Variants in CADPS2 observed in about 807,000 individuals in gnomAD.
CADPS2 encodes the protein calcium dependent secretion activator 2, also known as calcium-dependent secretion activator 2.
CADPS2 carries 93 observed loss-of-function variants against 172.5 expected under a neutral mutation model. The observed-to-expected ratio is 0.54, with a 90% confidence interval of 0.46 to 0.64. The LOEUF is 0.64. Among genes scored for constraint, CADPS2 ranks in the 30% least tolerant of loss-of-function variants. The probability of loss-of-function intolerance (pLI) is 0.00; values close to 1 mark genes in which losing one functional copy is unlikely to be tolerated. For synonymous variants in CADPS2, 546 were observed against 555.2 expected (o/e 0.98, Z 0.23); for missense variants, 1,420 against 1,565.9 (o/e 0.91, Z 1.57).
At chr7:122,761,672 T>C (rs1366293929) in intron 1 of CADPS2, among the ~76,000 whole-genome samples, 2 of 151,480 alleles carry the variant, frequency 1.3e-5, no homozygotes. Context: ...TAAAAACGTA[T>C]TAAGCAAACA....
intron 1 of CADPS2, among the ~76,000 whole-genome samples, chr7:122,865,211 C>T (rs1179591252): frequency 2.6e-5 from 4 of 152,190 alleles, no homozygotes; most frequent in African/African-American, 9.7e-5. Context: ...AACACTTTGC[C>T]TTCCACATAC....
At chr7:122,794,403 C>T (rs1233476991) in intron 1 of CADPS2, among the ~76,000 whole-genome samples, 3 of 151,926 alleles carry the variant, frequency 2.0e-5, no homozygotes, top group Admixed American at 2.0e-4. Flanking sequence ...GATATTAATG[C>T]TTGTAATTGC....
At chr7:122,403,739 T>C (rs1182375847) in intron 20 of CADPS2, among the ~76,000 whole-genome samples, 1 of 152,180 alleles carries the variant, frequency 6.6e-6, no homozygotes, top group African/African-American at 2.4e-5. Context: ...GAATTAATGA[T>C]ATTCCATTCA....
At chr7:122,404,737 T>C (rs1585686763) in intron 20 of CADPS2, among the ~76,000 whole-genome samples, 1 of 152,236 alleles carries the variant, frequency 6.6e-6, no homozygotes, top group South Asian at 2.1e-4. Context: ...ATTTCTCTGA[T>C]GAATAATGCC....
chr7:122,523,494 T>C (rs2060971748), intron 8 of CADPS2, among the ~76,000 whole-genome samples: 1 of 152,126 alleles, frequency 6.6e-6, no homozygotes, highest in Admixed American at 6.6e-5. Context: ...TAAATATTTT[T>C]AAGTGGTTCA....
At chr7:122,575,191 T>C (rs78649203) in intron 7 of CADPS2, among the ~76,000 whole-genome samples, 1 of 143,476 alleles carries the variant, frequency 7.0e-6, no homozygotes, top group African/African-American at 2.6e-5. Context: ...AAAAAAAAGG[T>C]GGTGGGAGCA....
chr7:122,865,836 T>C (rs1818171573), intron 1 of CADPS2, among the ~76,000 whole-genome samples: 1 of 152,202 alleles, frequency 6.6e-6, no homozygotes, highest in South Asian at 2.1e-4. Flanking sequence ...CCACTAGCAG[T>C]AGATAACCAT....
intron 22 of CADPS2, among the ~76,000 whole-genome samples, chr7:122,392,220 C>T (rs2044458426): frequency 6.6e-6 from 1 of 151,980 alleles, no homozygotes; most frequent in Non-Finnish European, 1.5e-5. Flanking sequence ...TGCTGTGAGG[C>T]TCATAGTTTT....
chr7:122,438,489 T>C (rs1586039926), intron 16 of CADPS2, 25 bp from the exon 17 acceptor site: 1 of 1,610,778 alleles, frequency 6.2e-7, no homozygotes, highest in Non-Finnish European at 8.5e-7. Context: ...AGTGGAAGGG[T>C]GAGGGGCAGG....
intron 9 of CADPS2, among the ~76,000 whole-genome samples, chr7:122,505,236 C>T (rs2059524777): frequency 6.6e-6 from 1 of 152,094 alleles, no homozygotes; most frequent in African/African-American, 2.4e-5. Flanking sequence ...TGTCAAAAGA[C>T]ATGTGAGGTG....
intron 3 of CADPS2, among the ~76,000 whole-genome samples, chr7:122,635,270 A>AT (rs765559750): frequency 3.6e-5 from 5 of 140,264 alleles, no homozygotes; most frequent in Admixed American, 7.0e-5. Context: ...ATGTGTGGCT[A>AT]ATTTTTTTTT....
chr7:122,353,998 CT>C (rs910896362), intron 27 of CADPS2, among the ~76,000 whole-genome samples: 2 of 150,954 alleles, frequency 1.3e-5, no homozygotes, highest in Middle Eastern at 3.4e-3. Flanking sequence ...AGTCAGATTT[CT>C]TTTTTTTTCC....
intron 7 of CADPS2, among the ~76,000 whole-genome samples, chr7:122,557,554 G>A (rs73433759): frequency 0.028 from 4,296 of 152,224 alleles, 77 homozygotes; most frequent in South Asian, 0.055. Context: ...GGAAGATGTC[G>A]TAGGCAGTTA....
intron 2 of CADPS2, among the ~76,000 whole-genome samples, chr7:122,673,874 G>A (rs1273619022): frequency 2.1e-5 from 3 of 144,434 alleles, no homozygotes; most frequent in African/African-American, 7.6e-5. Flanking sequence ...GGTGGTGCCT[G>A]TTGGGGAGGC....
At chr7:122,506,369 T>C (rs1246668730) in intron 9 of CADPS2, among the ~76,000 whole-genome samples, 3 of 152,188 alleles carry the variant, frequency 2.0e-5, no homozygotes, top group Non-Finnish European at 2.9e-5. Flanking sequence ...AATTGGGAGA[T>C]ATGAACAGAC....
At chr7:122,767,620 G>A (rs891093545) in intron 1 of CADPS2, among the ~76,000 whole-genome samples, 4 of 152,052 alleles carry the variant, frequency 2.6e-5, no homozygotes, top group African/African-American at 9.7e-5. Flanking sequence ...CACACCCTTT[G>A]TGCCTTTCTC....
At chr7:122,356,356 T>C (rs79659934) in intron 27 of CADPS2, among the ~76,000 whole-genome samples, 3 of 152,206 alleles carry the variant, frequency 2.0e-5, no homozygotes, top group Non-Finnish European at 4.4e-5. Flanking sequence ...AGGAAGACCA[T>C]AGAGGTAAAG....
chr7:122,629,556 C>T (rs575594658), intron 3 of CADPS2, among the ~76,000 whole-genome samples: 1 of 152,068 alleles, frequency 6.6e-6, no homozygotes, highest in South Asian at 2.1e-4. Context: ...CTCACAAAAC[C>T]ACCAAATCAA....
intron 6 of CADPS2, among the ~76,000 whole-genome samples, chr7:122,612,131 C>T (rs1587828908): frequency 6.6e-6 from 1 of 151,964 alleles, no homozygotes; most frequent in Non-Finnish European, 1.5e-5. Flanking sequence ...TATATGCTTC[C>T]CCCCTGTGAT....
Sources: allele counts gnomAD v4.1 joint callset (sites outside exome capture counted in the v4.1 genomes callset), GRCh38; gene constraint gnomAD v4.1.1; transcripts MANE v1.5; gene names NCBI Gene and HGNC (gene_info 2026-07-23, HGNC 2026-07-21).